The following RGL1 variants were observed in gnomAD, a reference collection of about 807,000 sequenced individuals.
RGL1 encodes the protein ral guanine nucleotide dissociation stimulator-like 1.
RGL1 carries 24 observed loss-of-function variants against 95.2 expected under a neutral mutation model. The ratio of observed to expected loss-of-function variants is 0.25; its 90% CI spans 0.18 to 0.35. The LOEUF is 0.35. RGL1 is among the 10% of genes least tolerant of loss of function. RGL1 has a pLI of 1.00. For missense variants in RGL1, 715 were observed against 936.3 expected, an observed-to-expected ratio of 0.76 and a Z score of 3.08; for synonymous variants, 329 against 344.9, an observed-to-expected ratio of 0.95 and a Z score of 0.51.
At chr1:183,742,143 C>T (rs1471673280) in exon 2 of RGL1, 1 of 1,613,824 alleles carries the variant, frequency 6.2e-7, no homozygotes, top group Admixed American at 1.7e-5. Context: ...ATGCCTCCTG[C>T]CTGCCTCTTT....
At chr1:183,805,971 CTTTTTTTTTTTTTTTTTTTTTTTTTT>C (rs751229707) in intron 1 of RGL1, among the ~76,000 whole-genome samples, 945 of 74,730 alleles carry the variant, frequency 0.013, 31 homozygotes, top group Middle Eastern at 0.065. Flanking sequence ...CTTTTCTTTT[CTTTTTTTTTTTTTTTTTTTTTTTTTT>C]TTTTTTTTTT....
intron 14 of RGL1, among the ~76,000 whole-genome samples, chr1:183,907,658 C>A (rs1668415546): frequency 6.6e-6 from 1 of 152,154 alleles, no homozygotes; most frequent in African/African-American, 2.4e-5. Context: ...AGAGAGAACC[C>A]TTTCTAATGT....
At chr1:183,786,821 A>G (rs1222481208) in intron 2 of RGL1, among the ~76,000 whole-genome samples, 1 of 152,190 alleles carries the variant, frequency 6.6e-6, no homozygotes, top group Non-Finnish European at 1.5e-5. Context: ...TTGATATTTC[A>G]GTTTTTTAGG....
intron 2 of RGL1, among the ~76,000 whole-genome samples, chr1:183,763,731 T>C (rs1353829644): frequency 6.6e-6 from 1 of 152,210 alleles, no homozygotes; most frequent in East Asian, 1.9e-4. Context: ...TGAGAATTAA[T>C]TGAGTTATAA....
intron 1 of RGL1, among the ~76,000 whole-genome samples, chr1:183,727,070 C>G (rs932981416): frequency 3.9e-5 from 6 of 151,990 alleles, no homozygotes; most frequent in African/African-American, 1.5e-4. Context: ...AAGACAACTA[C>G]AGAATAAAAT....
intron 8 of RGL1, among the ~76,000 whole-genome samples, chr1:183,890,577 TAAGA>T (rs1667358558): frequency 3.3e-5 from 5 of 152,192 alleles, no homozygotes; most frequent in Admixed American, 1.3e-4. Context: ...GGAACAGGAT[TAAGA>T]TAACTTATTT....
chr1:183,892,542 A>G (rs540675253), intron 9 of RGL1, among the ~76,000 whole-genome samples: 6 of 152,316 alleles, frequency 3.9e-5, no homozygotes, highest in Admixed American at 3.3e-4. Flanking sequence ...CCTGCCTGCA[A>G]TTCCACATCC....
intron 1 of RGL1, among the ~76,000 whole-genome samples, chr1:183,690,718 G>A (rs1653893063): frequency 7.1e-6 from 1 of 140,178 alleles, no homozygotes; most frequent in Admixed American, 7.5e-5. Context: ...GTGCTAGAAA[G>A]ATGAGGTACT....
intron 1 of RGL1, among the ~76,000 whole-genome samples, chr1:183,740,763 T>C (rs765138168): frequency 8.5e-5 from 13 of 152,206 alleles, no homozygotes; most frequent in Non-Finnish European, 1.3e-4. Context: ...TTTACATCTG[T>C]TACTTGAATA....
intron 2 of RGL1, among the ~76,000 whole-genome samples, chr1:183,845,013 A>G (rs1664323466): frequency 6.6e-6 from 1 of 152,220 alleles, no homozygotes; most frequent in Admixed American, 6.5e-5. Context: ...TCCATCTGTT[A>G]GTTTCCTTCC....
rs117082781 is a variant in RGL1, at chr1:183,894,082, C to A, written c.1140+1921C>A. Among the ~76,000 whole-genome samples the A allele has an allele frequency of 1.9e-3, 287 of 152,348 alleles. 4 individuals carry two copies. The East Asian group carries it at 0.024, about 13-fold the overall frequency. On this transcript the variant is annotated intron_variant, in intron 9 of 17. Transcript: ENST00000360851. Reference sequence around the variant, plus strand: ...ACTGAGATCGTGTTACTCCCTGCTTCACATGCCCCTGGCTTTGCATACTTT... The same window carrying A: ...ACTGAGATCGTGTTACTCCCTGCTTAACATGCCCCTGGCTTTGCATACTTT...
chr1:183,884,162 C>T (rs563654228), intron 6 of RGL1, among the ~76,000 whole-genome samples: 131 of 152,312 alleles, frequency 8.6e-4, no homozygotes, highest in African/African-American at 2.8e-3. Flanking sequence ...AATAAGAATT[C>T]GAATCCCTGT....
chr1:183,806,933 T>G (rs1661385955), intron 2 of RGL1, among the ~76,000 whole-genome samples: 1 of 152,168 alleles, frequency 6.6e-6, no homozygotes, highest in Non-Finnish European at 1.5e-5. Context: ...GACAGAGCAT[T>G]CCAAGTCTGC....
chr1:183,861,267 T>C (rs1461967290), intron 3 of RGL1, among the ~76,000 whole-genome samples: 1 of 152,190 alleles, frequency 6.6e-6, no homozygotes, highest in Non-Finnish European at 1.5e-5. Flanking sequence ...ACCCGCCTCC[T>C]GATCTGGTGT....
intron 2 of RGL1, among the ~76,000 whole-genome samples, chr1:183,776,286 C>T (rs906556969): frequency 6.6e-6 from 1 of 150,910 alleles, no homozygotes; most frequent in Non-Finnish European, 1.5e-5. Context: ...GTAGCTGGGA[C>T]TACAGGCGCC....
intron 1 of RGL1, among the ~76,000 whole-genome samples, chr1:183,740,988 T>C (rs904985247): frequency 2.6e-5 from 4 of 152,140 alleles, no homozygotes; most frequent in Non-Finnish European, 4.4e-5. Flanking sequence ...CTAGAGTACA[T>C]AGAATAACAA....
Position 183,872,677 on chromosome 1 carries a change from G to A in RGL1, c.425+6604G>A, listed in dbSNP as rs116780062. 8.0e-3 allele frequency among the ~76,000 whole-genome samples: 1,217 copies of A among 152,296 alleles called. 16 individuals are homozygous for A. Among genetic ancestry groups the A allele is most frequent in the African/African-American group, 0.028 (1,174 of 41,564 alleles). ...GGATACACTTTAAAGAGAAAGGAAA[G>A]GAGTTAAAGGAAGTTGGCTGTGTTA... On this transcript the variant is annotated intron_variant, in intron 4 of 17. Transcript: ENST00000360851.
intron 1 of RGL1, among the ~76,000 whole-genome samples, chr1:183,666,820 A>ATATTCTAC (rs148199361): frequency 0.081 from 12,403 of 152,202 alleles, 979 homozygotes; most frequent in African/African-American, 0.21. Context: ...AGAAGAATGT[A>ATATTCTAC]TGGTGTTGAA....
intron 1 of RGL1, among the ~76,000 whole-genome samples, chr1:183,680,034 C>T (rs1454750609): frequency 6.6e-6 from 1 of 152,100 alleles, no homozygotes; most frequent in Non-Finnish European, 1.5e-5. Flanking sequence ...AGTGTCTGTT[C>T]ATATCATTTG....
Sources: gnomAD v4.1 joint callset for allele counts (sites outside exome capture counted in the v4.1 genomes callset) on GRCh38, gnomAD v4.1.1 for gene constraint, MANE v1.5 for transcripts, NCBI Gene and HGNC (gene_info 2026-07-23, HGNC 2026-07-21) for gene names.